The following FGGY variants were observed in gnomAD, a reference collection of about 807,000 sequenced individuals.
FGGY encodes FGGY carbohydrate kinase domain containing, also known as FGGY carbohydrate kinase domain-containing protein.
Under a neutral mutation model 71.3 loss-of-function variants are expected in FGGY, and 72 were observed. The ratio of observed to expected loss-of-function variants is 1.01; its 90% CI spans 0.84 to 1.23. The LOEUF is 1.23. FGGY is among the 50% of genes most tolerant of loss of function. FGGY has a pLI of 0.00. For synonymous variants in FGGY, 251 were observed against 250.3 expected (o/e 1.00, Z -0.02); for missense variants, 668 against 682.3 (o/e 0.98, Z 0.23).
At chr1:59,757,815 A>G in intron 14 of FGGY, 116 bp from the exon 15 acceptor site, 2 of 640,298 alleles carry the variant, frequency 3.1e-6, no homozygotes, top group African/African-American at 1.8e-5. Context: ...AAAAAAGAGG[A>G]CTAACCAAAT....
chr1:59,330,578 A>G (rs1006143438), intron 2 of FGGY, among the ~76,000 whole-genome samples: 5 of 151,724 alleles, frequency 3.3e-5, no homozygotes, highest in Non-Finnish European at 2.9e-5. Flanking sequence ...CAAAAAAAAA[A>G]AAAAGAAAAG....
At chr1:59,473,042 AAG>A (rs1269780331) in intron 6 of FGGY, among the ~76,000 whole-genome samples, 1 of 152,104 alleles carries the variant, frequency 6.6e-6, no homozygotes, top group Non-Finnish European at 1.5e-5. Flanking sequence ...GGGGCCAGAT[AAG>A]AGAATAAAAG....
intron 7 of FGGY, among the ~76,000 whole-genome samples, chr1:59,535,129 G>T (rs1037252612): frequency 6.6e-6 from 1 of 152,134 alleles, no homozygotes; most frequent in Admixed American, 6.5e-5. Flanking sequence ...ATAAAAGGAT[G>T]GAGGAAGATC....
At chr1:59,465,420 G>T (rs1263392435) in intron 6 of FGGY, among the ~76,000 whole-genome samples, 1 of 152,182 alleles carries the variant, frequency 6.6e-6, no homozygotes, top group East Asian at 1.9e-4. Context: ...GGCAAAAACT[G>T]GAAGCATTCC....
At chr1:59,459,867 T>C (rs927782534) in intron 6 of FGGY, among the ~76,000 whole-genome samples, 3 of 152,204 alleles carry the variant, frequency 2.0e-5, no homozygotes, top group Non-Finnish European at 2.9e-5. Context: ...GTGTGCAACA[T>C]GGCTGAATTA....
At chr1:59,517,568 C>G (rs1367055450) in intron 7 of FGGY, among the ~76,000 whole-genome samples, 1 of 152,158 alleles carries the variant, frequency 6.6e-6, no homozygotes, top group Admixed American at 6.5e-5. Flanking sequence ...GATTATCCAT[C>G]AAATCTTGAA....
chr1:59,654,603 G>A (rs1169548744), intron 11 of FGGY, among the ~76,000 whole-genome samples: 1 of 152,178 alleles, frequency 6.6e-6, no homozygotes, highest in Non-Finnish European at 1.5e-5. Flanking sequence ...AGGAAAAAGT[G>A]TAATTGCTAA....
intron 4 of FGGY, among the ~76,000 whole-genome samples, chr1:59,354,630 A>G (rs939808418): frequency 2.0e-5 from 3 of 152,258 alleles, no homozygotes; most frequent in South Asian, 2.1e-4. Flanking sequence ...AATGGTCAGT[A>G]GCTTCATTGT....
At chr1:59,444,785 C>T (rs969506995) in intron 5 of FGGY, among the ~76,000 whole-genome samples, 3 of 152,146 alleles carry the variant, frequency 2.0e-5, no homozygotes, top group Non-Finnish European at 2.9e-5. Flanking sequence ...AGTTTCATCC[C>T]GGAACCTTCC....
rs183910597 is a variant in FGGY, at chr1:59,327,741, T to C, written c.201+5991T>C. Among the ~76,000 whole-genome samples, 273 of 152,314 alleles carry C rather than the reference T, an allele frequency of 1.8e-3. 5 individuals carry two copies. The highest frequency in any genetic ancestry group is 0.018 in the Admixed American group (273 of 15,286). The stretch of plus-strand genomic sequence containing the variant: ...AATGTAATTCTTAAATAATAATACT[T>C]GAAAGCTGAAATTTCTCTTTGATCC... On this transcript the variant is annotated intron_variant, in intron 2 of 15. Coordinates refer to ENST00000303721, the MANE Select transcript of FGGY (RefSeq NM_018291.5).
chr1:59,753,513 T>TATATATATATATA (rs2098264898), intron 14 of FGGY, among the ~76,000 whole-genome samples: 1 of 118,602 alleles, frequency 8.4e-6, no homozygotes, highest in Non-Finnish European at 1.8e-5. Flanking sequence ...TATATATATA[T>TATATATATATATA]GGCATTACAT....
intron 5 of FGGY, among the ~76,000 whole-genome samples, chr1:59,424,214 A>G (rs2065937932): frequency 6.6e-6 from 1 of 152,256 alleles, no homozygotes. Flanking sequence ...GTGCTTGCAC[A>G]TGGCAGCTTC....
chr1:59,656,273 T>G (rs760537915), intron 11 of FGGY, among the ~76,000 whole-genome samples: 100 of 152,230 alleles, frequency 6.6e-4, no homozygotes, highest in Non-Finnish European at 5.0e-4. Context: ...CCACTTCCTC[T>G]TGTTGGAACC....
At chr1:59,298,798 C>A (rs1234933962) in intron 1 of FGGY, among the ~76,000 whole-genome samples, 1 of 152,174 alleles carries the variant, frequency 6.6e-6, no homozygotes, top group Admixed American at 6.5e-5. Context: ...AGATCACTTA[C>A]CTTCTCACCC....
chr1:59,471,297 AAGT>A (rs1181237094), intron 6 of FGGY, among the ~76,000 whole-genome samples: 1 of 152,106 alleles, frequency 6.6e-6, no homozygotes, highest in Non-Finnish European at 1.5e-5. Flanking sequence ...CCATGATTCT[AAGT>A]TTCCTGAGGC....
intron 9 of FGGY, among the ~76,000 whole-genome samples, chr1:59,608,725 C>G (rs932777214): frequency 3.3e-5 from 5 of 152,106 alleles, no homozygotes; most frequent in African/African-American, 1.2e-4. Context: ...CTCAGCTACT[C>G]AGATACTCTC....
chr1:59,600,982 C>CTTTTTTTTTT (rs377505663), intron 8 of FGGY, among the ~76,000 whole-genome samples: 3 of 127,044 alleles, frequency 2.4e-5, no homozygotes, highest in Admixed American at 8.0e-5. Context: ...ATTCTCTATG[C>CTTTTTTTTTT]TTTTTTTTTT....
At chr1:59,422,514 G>A (rs1318925403) in intron 5 of FGGY, among the ~76,000 whole-genome samples, 2 of 151,862 alleles carry the variant, frequency 1.3e-5, no homozygotes, top group Non-Finnish European at 2.9e-5. Flanking sequence ...GGGCAACATG[G>A]AAAAACCGAT....
chr1:59,589,521 G>C (rs1280121422), intron 8 of FGGY, among the ~76,000 whole-genome samples: 2 of 152,080 alleles, frequency 1.3e-5, no homozygotes, highest in African/African-American at 4.8e-5. Flanking sequence ...TTCCAAAATT[G>C]ACCACATAGT....
Sources: gnomAD v4.1 joint callset for allele counts (sites outside exome capture counted in the v4.1 genomes callset) on GRCh38, gnomAD v4.1.1 for gene constraint, MANE v1.5 for transcripts, NCBI Gene and HGNC (gene_info 2026-07-23, HGNC 2026-07-21) for gene names.